The following ADAMTS2 variants were observed in gnomAD, a reference collection of about 807,000 sequenced individuals.
ADAMTS2 encodes the protein ADAM metallopeptidase with thrombospondin type 1 motif 2, also known as A disintegrin and metalloproteinase with thrombospondin motifs 2.
A neutral mutation model predicts 123.0 loss-of-function variants in ADAMTS2; 50 were observed. The observed-to-expected ratio is 0.41, with a 90% CI of 0.32 to 0.51. ADAMTS2 has a LOEUF of 0.51. Among genes scored for constraint, ADAMTS2 ranks in the 20% least tolerant of loss-of-function variants. The probability of loss-of-function intolerance (pLI) is 0.35; values close to 1 mark genes in which losing one functional copy is unlikely to be tolerated. For missense variants in ADAMTS2, 1,494 were observed against 1,705.2 expected, an observed-to-expected ratio of 0.88 and a Z score of 2.18; for synonymous variants, 678 against 695.4, an observed-to-expected ratio of 0.98 and a Z score of 0.39.
intron 3 of ADAMTS2, among the ~76,000 whole-genome samples, chr5:179,246,096 T>C (rs1050136271): frequency 1.3e-5 from 2 of 152,080 alleles, no homozygotes; most frequent in African/African-American, 4.8e-5. Flanking sequence ...TGACAGTGGG[T>C]TATGGTGTTT....
chr5:179,249,532 G>T (rs188378523), intron 3 of ADAMTS2, among the ~76,000 whole-genome samples: 5 of 151,912 alleles, frequency 3.3e-5, no homozygotes, highest in South Asian at 4.2e-4. Flanking sequence ...AAGAGAGAAG[G>T]CTCCAATTAC....
At chr5:179,122,613 G>A (rs1262612778) in intron 20 of ADAMTS2, 31 bp downstream of exon 20, 5 of 1,546,992 alleles carry the variant, frequency 3.2e-6, no homozygotes, top group African/African-American at 2.7e-5. Context: ...CTGCATGCTG[G>A]GAGCAGGGGC....
Position 179,170,347 on chromosome 5 carries a change from C to A in ADAMTS2, c.975+10725G>T, listed in dbSNP as rs1581166501. ...AGGAACCGAGTATCTGGGCCACTTT[C>A]TGCCCAAGTCTGGGTCATGGTCTCA... is the stretch of plus-strand genomic sequence containing the variant. On this transcript the variant is annotated intron_variant, in intron 5 of 21. Coordinates refer to ENST00000251582, the MANE Select transcript of ADAMTS2 (RefSeq NM_014244.5). The surrounding 1 kb of genome is among the most constrained non-coding windows in gnomAD (Gnocchi z 4.3). Among the ~76,000 whole-genome samples the A allele has an allele frequency of 1.3e-5, 2 of 152,262 alleles. No individual in the cohort carries two copies. The highest frequency in any genetic ancestry group is 2.9e-5 in the Non-Finnish European group (2 of 68,006).
intron 3 of ADAMTS2, among the ~76,000 whole-genome samples, chr5:179,241,262 C>T (rs1036178531): frequency 6.6e-6 from 1 of 152,202 alleles, no homozygotes; most frequent in Non-Finnish European, 1.5e-5. Flanking sequence ...GTGCAAGGTG[C>T]CTGGAAGCTC....
intron 5 of ADAMTS2, among the ~76,000 whole-genome samples, chr5:179,164,613 G>A (rs1300483615): frequency 1.3e-5 from 2 of 152,082 alleles, no homozygotes; most frequent in African/African-American, 2.4e-5. Flanking sequence ...ACATGGTCAC[G>A]GCAATGTCTT....
chr5:179,301,357 A>G (rs1299774233), intron 2 of ADAMTS2, among the ~76,000 whole-genome samples: 1 of 152,156 alleles, frequency 6.6e-6, no homozygotes, highest in Non-Finnish European at 1.5e-5. Context: ...AATATTACCT[A>G]CTTTACAGAG....
chr5:179,214,888 T>C (rs462646), intron 3 of ADAMTS2, among the ~76,000 whole-genome samples: 38,250 of 142,542 alleles, frequency 0.27, 5,688 homozygotes, highest in Non-Finnish European at 0.32. Context: ...AATTATTCTC[T>C]GTCAAATAAT....
intron 4 of ADAMTS2, among the ~76,000 whole-genome samples, chr5:179,193,380 G>A (rs530149591): frequency 2.6e-5 from 4 of 152,294 alleles, no homozygotes; most frequent in South Asian, 2.1e-4. Context: ...TGTTATCCCC[G>A]CTGTGCCAGT....
intron 3 of ADAMTS2, among the ~76,000 whole-genome samples, chr5:179,211,161 C>T (rs1291204501): frequency 6.6e-6 from 1 of 152,274 alleles, no homozygotes; most frequent in Non-Finnish European, 1.5e-5. Context: ...GCTCTCCCCT[C>T]CTCCCCTGGG....
At chr5:179,227,378 C>T (rs931255335) in intron 3 of ADAMTS2, among the ~76,000 whole-genome samples, 252 of 152,214 alleles carry the variant, frequency 1.7e-3, no homozygotes, top group Non-Finnish European at 1.0e-3. Flanking sequence ...CCCAGCCTGG[C>T]CTGCTCCCTG....
At chr5:179,119,145 C>T (rs1342868501) in intron 21 of ADAMTS2, among the ~76,000 whole-genome samples, 1 of 152,212 alleles carries the variant, frequency 6.6e-6, no homozygotes, top group African/African-American at 2.4e-5. Context: ...TGCTCCTGAC[C>T]CATCTCTGGG....
intron 13 of ADAMTS2, among the ~76,000 whole-genome samples, chr5:179,134,062 C>A (rs187199868): frequency 6.6e-6 from 1 of 152,168 alleles, no homozygotes; most frequent in Non-Finnish European, 1.5e-5. Flanking sequence ...GCCACACCCA[C>A]GGAGACAGTG....
At chr5:179,150,150 C>A (rs1009922572) in intron 10 of ADAMTS2, among the ~76,000 whole-genome samples, 1 of 152,242 alleles carries the variant, frequency 6.6e-6, no homozygotes, top group Non-Finnish European at 1.5e-5. Context: ...GCTCCCTGAA[C>A]CAGCATGCCT....
At chr5:179,275,607 G>A (rs780391972) in intron 2 of ADAMTS2, among the ~76,000 whole-genome samples, 1 of 152,204 alleles carries the variant, frequency 6.6e-6, no homozygotes, top group Non-Finnish European at 1.5e-5. Flanking sequence ...GGGCAGACAG[G>A]GAGGATGCCA....
chr5:179,343,515 CG>C (rs1161897754), intron 2 of ADAMTS2, among the ~76,000 whole-genome samples: 3 of 152,236 alleles, frequency 2.0e-5, no homozygotes, highest in Admixed American at 6.5e-5. Context: ...GAGAGGCGCA[CG>C]CTCCTGCCTG....
chr5:179,279,837 A>G (rs1766840974), intron 2 of ADAMTS2, among the ~76,000 whole-genome samples: 1 of 152,208 alleles, frequency 6.6e-6, no homozygotes, highest in Non-Finnish European at 1.5e-5. Flanking sequence ...ATCCCAGAGG[A>G]TTTCACACAC....
chr5:179,196,993 C>T (rs887516676), intron 4 of ADAMTS2, among the ~76,000 whole-genome samples: 1 of 152,252 alleles, frequency 6.6e-6, no homozygotes, highest in Non-Finnish European at 1.5e-5. Flanking sequence ...GACAAATTCA[C>T]GTGAATTTTG....
intron 2 of ADAMTS2, among the ~76,000 whole-genome samples, chr5:179,330,175 C>T (rs1358441688): frequency 1.3e-5 from 2 of 151,320 alleles, no homozygotes; most frequent in African/African-American, 2.4e-5. Context: ...AACAATAACA[C>T]GATTGCCTGA....
intron 2 of ADAMTS2, among the ~76,000 whole-genome samples, chr5:179,326,871 G>A (rs1397384658): frequency 1.3e-5 from 2 of 152,140 alleles, no homozygotes; most frequent in African/African-American, 4.8e-5. Flanking sequence ...GAAGGAGAGG[G>A]AGAGGGAGAG....
Sources: gnomAD v4.1 joint callset for allele counts (sites outside exome capture counted in the v4.1 genomes callset) on GRCh38, gnomAD v4.1.1 for gene constraint, Gnocchi (gnomAD v3.1) non-coding constraint, MANE v1.5 for transcripts, NCBI Gene and HGNC (gene_info 2026-07-23, HGNC 2026-07-21) for gene names.